Variants in PKP4 observed in about 807,000 individuals in gnomAD.
The protein encoded by PKP4 is plakophilin 4, also known as plakophilin-4.
Under a neutral mutation model 145.1 loss-of-function variants are expected in PKP4, and 90 were observed. That is an observed-to-expected ratio of 0.62 (90% CI 0.52 to 0.74). The LOEUF (loss-of-function observed/expected upper bound fraction) is 0.74. PKP4 is among the 30% of genes least tolerant of loss of function. The pLI is 0.00. For synonymous variants in PKP4, 563 were observed against 577.2 expected (o/e 0.98, Z 0.35); for missense variants, 1,340 against 1,482.7 (o/e 0.90, Z 1.58).
At chr2:158,626,333 A>G (rs748654889) in intron 7 of PKP4, among the ~76,000 whole-genome samples, 2 of 152,160 alleles carry the variant, frequency 1.3e-5, no homozygotes, top group Admixed American at 6.5e-5. Flanking sequence ...TTCACTAACT[A>G]TGTCTTAAGA....
intron 1 of PKP4, among the ~76,000 whole-genome samples, chr2:158,478,213 A>ATT (rs143953401): frequency 6.6e-5 from 10 of 150,442 alleles, no homozygotes; most frequent in Admixed American, 1.3e-4. Flanking sequence ...TATTATTTAG[A>ATT]TTTTTTTTTT....
intron 1 of PKP4, among the ~76,000 whole-genome samples, chr2:158,475,743 G>A (rs182361526): frequency 4.6e-5 from 7 of 152,244 alleles, no homozygotes; most frequent in Non-Finnish European, 7.4e-5. Flanking sequence ...AGACCCATTT[G>A]TTCACTGTGA....
At chr2:158,661,729 T>A (rs1395475212) in intron 13 of PKP4, 4 of 280,886 alleles carry the variant, frequency 1.4e-5, no homozygotes, top group African/African-American at 2.2e-5. Context: ...ATGCTGCTAT[T>A]TCCTCCAATT....
At chr2:158,659,084 A>G (rs372769544) in intron 12 of PKP4, 7 of 152,426 alleles carry the variant, frequency 4.6e-5, no homozygotes, top group African/African-American at 1.7e-4. Context: ...GTGTCATCGC[A>G]TGAGCACTCA....
chr2:158,672,914 G>GAGCCT (rs1203537476), intron 17 of PKP4, among the ~76,000 whole-genome samples: 1 of 152,172 alleles, frequency 6.6e-6, no homozygotes, highest in African/African-American at 2.4e-5. Context: ...ACTGTCAAAG[G>GAGCCT]AGCCTTAAGA....
chr2:158,588,087 C>T (rs2048956072), intron 3 of PKP4: 1 of 152,078 alleles, frequency 6.6e-6, no homozygotes, highest in Non-Finnish European at 1.5e-5. Flanking sequence ...TTAGCCATTC[C>T]ATTGTTGAAG....
intron 11 of PKP4, among the ~76,000 whole-genome samples, chr2:158,652,530 C>G (rs149636661): frequency 1.3e-5 from 2 of 152,186 alleles, no homozygotes; most frequent in Non-Finnish European, 2.9e-5. Flanking sequence ...TTTGCTAGAT[C>G]CTGAGTGTTT....
At chr2:158,638,927 A>AG (rs1254461771) in intron 9 of PKP4, among the ~76,000 whole-genome samples, 11 of 152,124 alleles carry the variant, frequency 7.2e-5, no homozygotes. Flanking sequence ...TGGCCACTAG[A>AG]GTTATCGTCT....
At chr2:158,559,617 T>G (rs921200261) in intron 2 of PKP4, among the ~76,000 whole-genome samples, 4 of 152,150 alleles carry the variant, frequency 2.6e-5, no homozygotes, top group Admixed American at 2.6e-4. Flanking sequence ...AAGACAGTTA[T>G]GGAAGTAAGC....
chr2:158,475,169 G>C (rs1291441259), intron 1 of PKP4, among the ~76,000 whole-genome samples: 1 of 152,124 alleles, frequency 6.6e-6, no homozygotes, highest in Non-Finnish European at 1.5e-5. Flanking sequence ...AGAAAAGTTA[G>C]ATACTTTTAT....
chr2:158,546,899 A>G lies in PKP4; in HGVS notation c.132+13583A>G, dbSNP rs553939945. Among the ~76,000 whole-genome samples the G allele has an allele frequency of 9.8e-5, 15 of 152,318 alleles. No homozygotes were observed. In the South Asian group the frequency reaches 3.1e-3, roughly 32 times the overall value. Reference sequence around the variant, plus strand: ...CAGTAAGATAAGAAGTAGAAGGTACACACACTGGAAAGGAAAAGTGAAACT... The same window carrying G: ...CAGTAAGATAAGAAGTAGAAGGTACGCACACTGGAAAGGAAAAGTGAAACT... On this transcript the variant is annotated intron_variant, in intron 2 of 21. Transcript: ENST00000389759.
intron 4 of PKP4, among the ~76,000 whole-genome samples, chr2:158,615,123 T>G (rs1574792911): frequency 6.6e-6 from 1 of 152,062 alleles, no homozygotes; most frequent in Non-Finnish European, 1.5e-5. Context: ...TTTAAGAAGG[T>G]TTTTTTGGTT....
At chr2:158,624,656 G>T (rs2052577797) in intron 6 of PKP4, among the ~76,000 whole-genome samples, 1 of 144,824 alleles carries the variant, frequency 6.9e-6, no homozygotes. Flanking sequence ...GTTAATTTTA[G>T]CATTTGGTTT....
At chr2:158,480,628 C>A (rs549005217) in intron 1 of PKP4, among the ~76,000 whole-genome samples, 1 of 151,232 alleles carries the variant, frequency 6.6e-6, no homozygotes, top group Non-Finnish European at 1.5e-5. Flanking sequence ...GAATAAAAAC[C>A]ACACCCGAGA....
Position 158,494,840 on chromosome 2 carries a change from A to G in PKP4, c.-6+37622A>G, listed in dbSNP as rs375794928. On this transcript the variant is annotated intron_variant, in intron 1 of 21. Coordinates refer to ENST00000389759, the MANE Select transcript of PKP4 (RefSeq NM_003628.6). Reference sequence around the variant, plus strand: ...CGTGCCTACCTCTAGAGGTTTTGCAAAAACTTTAATGAGATGAAATAAATG... The same window carrying G: ...CGTGCCTACCTCTAGAGGTTTTGCAGAAACTTTAATGAGATGAAATAAATG... 3.1e-4 allele frequency among the ~76,000 whole-genome samples: 47 copies of G among 152,204 alleles called. 1 individual carries two copies. The South Asian group carries it at 3.3e-3, about 11-fold the overall frequency.
chr2:158,511,916 T>G (rs796167102), intron 1 of PKP4, among the ~76,000 whole-genome samples: 11 of 152,324 alleles, frequency 7.2e-5, no homozygotes, highest in African/African-American at 2.6e-4. Flanking sequence ...TAAACCATTT[T>G]GTCCTCAAAA....
intron 1 of PKP4, among the ~76,000 whole-genome samples, chr2:158,500,736 A>T (rs1474084521): frequency 1.3e-5 from 2 of 152,234 alleles, no homozygotes; most frequent in East Asian, 3.8e-4. Context: ...GGGTTTGAGC[A>T]TGGGAAGTAA....
intron 1 of PKP4, among the ~76,000 whole-genome samples, chr2:158,480,499 A>G (rs1299985779): frequency 2.0e-5 from 3 of 150,554 alleles, no homozygotes; most frequent in Non-Finnish European, 4.4e-5. Flanking sequence ...GGCCTCCCAA[A>G]GTAGCTGGAT....
At chr2:158,508,042 A>G (rs1300451345) in intron 1 of PKP4, among the ~76,000 whole-genome samples, 1 of 152,026 alleles carries the variant, frequency 6.6e-6, no homozygotes, top group Non-Finnish European at 1.5e-5. Flanking sequence ...CATCCCTTAG[A>G]CATTCTACCC....
Sources: allele counts gnomAD v4.1 joint callset (sites outside exome capture counted in the v4.1 genomes callset), GRCh38; gene constraint gnomAD v4.1.1; transcripts MANE v1.5; gene names NCBI Gene and HGNC (gene_info 2026-07-23, HGNC 2026-07-21).